TBC1D32: variants seen among roughly 807,000 people sequenced by gnomAD.
The protein encoded by TBC1D32 is protein broad-minded.
TBC1D32 carries 151 observed loss-of-function variants against 170.3 expected under a neutral mutation model. That is an observed-to-expected ratio of 0.89 (90% CI 0.78 to 1.01). The LOEUF (loss-of-function observed/expected upper bound fraction) is 1.01. TBC1D32 is among the 50% of genes least tolerant of loss of function. TBC1D32 has a pLI of 0.00. For missense variants in TBC1D32, 1,464 were observed against 1,457.1 expected, an observed-to-expected ratio of 1.00 and a Z score of -0.08; for synonymous variants, 498 against 488.0, an observed-to-expected ratio of 1.02 and a Z score of -0.27.
chr6:121,204,014 C>T (rs1326082549), intron 22 of TBC1D32, among the ~76,000 whole-genome samples: 1 of 150,690 alleles, frequency 6.6e-6, no homozygotes, highest in East Asian at 1.9e-4. Context: ...AAGAAATTTG[C>T]TCAGTATATC....
chr6:121,086,174 T>C (rs1776257959), intron 31 of TBC1D32, among the ~76,000 whole-genome samples: 1 of 152,070 alleles, frequency 6.6e-6, no homozygotes, highest in East Asian at 1.9e-4. Flanking sequence ...ATGTTCCAGA[T>C]AATGGTCTAA....
intron 3 of TBC1D32, among the ~76,000 whole-genome samples, chr6:121,316,114 C>T (rs1233664111): frequency 6.6e-6 from 1 of 152,062 alleles, no homozygotes; most frequent in Non-Finnish European, 1.5e-5. Context: ...AAAATTATGA[C>T]CCCATTTCTA....
chr6:121,304,678 GA>G, intron 6 of TBC1D32, 53 bp from the exon 7 acceptor site: 3 of 1,537,828 alleles, frequency 2.0e-6, no homozygotes, highest in South Asian at 1.2e-5. Flanking sequence ...AGTGCTTTCT[GA>G]AAAAAATTAT....
intron 1 of TBC1D32, among the ~76,000 whole-genome samples, chr6:121,326,182 G>A (rs540569771): frequency 6.6e-6 from 1 of 152,202 alleles, no homozygotes; most frequent in Non-Finnish European, 1.5e-5. Context: ...TTAACAAAAT[G>A]TAGTCAATAA....
At chr6:121,147,758 A>AT (rs1041080322) in intron 24 of TBC1D32, among the ~76,000 whole-genome samples, 7 of 151,446 alleles carry the variant, frequency 4.6e-5, no homozygotes, top group Admixed American at 3.3e-4. Flanking sequence ...CACCTGGCTA[A>AT]TTTTTTTGTA....
Position 121,228,728 on chromosome 6 carries a change from C to T in TBC1D32, c.2365-5376G>A, listed in dbSNP as rs187956688. ...AAAAGAATGCGTATTCTGTAGTCAC[C>T]GAGTATAATATTCTATAAATATCAA... On this transcript the variant is annotated intron_variant, in intron 20 of 31. Transcript: ENST00000398212. Among the ~76,000 whole-genome samples, 14 of 152,078 alleles carry T rather than the reference C, an allele frequency of 9.2e-5. No individual in the cohort carries two copies. The East Asian group carries it at 1.9e-3, about 21-fold the overall frequency.
At chr6:121,280,408 G>A (rs1184363690) in intron 14 of TBC1D32, among the ~76,000 whole-genome samples, 1 of 151,776 alleles carries the variant, frequency 6.6e-6, no homozygotes, top group Non-Finnish European at 1.5e-5. Flanking sequence ...AATGGTTGAT[G>A]CTGGATGTCT....
In TBC1D32 at chr6:121,303,618, A is replaced by G; in HGVS notation, c.1079T>C (p.Met360Thr). Residue 360 changes from methionine (M) to threonine (T), a missense_variant and splice_region_variant, in exon 9 of 32, where the codon ATG becomes ACG. Physicochemically the swap from Met to Thr is moderately conservative, Grantham distance 81. Coordinates refer to ENST00000398212, the MANE Select transcript of TBC1D32 (RefSeq NM_152730.6). ...TAAAAATATTCTATTTTTCCTTACC[A>G]TCCACTTTTTGAACCACACAGCCTT... is the stretch of plus-strand genomic sequence containing the variant. ...DTKAVWFKKWMHAHYSRTTVL... is the reference protein window; with the variant it reads ...DTKAVWFKKWTHAHYSRTTVL... 1 of 1,540,408 alleles carries G rather than the reference A, an allele frequency of 6.5e-7. No homozygotes were observed. The highest frequency in any genetic ancestry group is 1.4e-5 in the African/African-American group (1 of 73,332).
intron 26 of TBC1D32, among the ~76,000 whole-genome samples, chr6:121,119,525 A>G (rs1039687543): frequency 6.6e-6 from 1 of 152,136 alleles, no homozygotes; most frequent in Admixed American, 6.6e-5. Context: ...ATTAACTAGC[A>G]TTACGAAGAG....
intron 20 of TBC1D32, among the ~76,000 whole-genome samples, chr6:121,226,471 A>T (rs1034223955): frequency 6.6e-6 from 1 of 152,122 alleles, no homozygotes; most frequent in African/African-American, 2.4e-5. Context: ...TCAGAAAAGT[A>T]GTGGGAATTA....
chr6:121,109,229 C>T (rs368897932), intron 29 of TBC1D32, among the ~76,000 whole-genome samples: 8 of 152,078 alleles, frequency 5.3e-5, no homozygotes, highest in South Asian at 2.1e-4. Flanking sequence ...TTTAAATCCA[C>T]GAACTTTCTG....
chr6:121,102,768 A>G (rs372856060), intron 30 of TBC1D32, among the ~76,000 whole-genome samples: 11,501 of 152,190 alleles, frequency 0.076, 855 homozygotes, highest in African/African-American at 0.2. Flanking sequence ...GAGCTTCTGC[A>G]CAGCAAAAGA....
chr6:121,199,650 T>C (rs1428034505), intron 22 of TBC1D32, among the ~76,000 whole-genome samples: 2 of 151,308 alleles, frequency 1.3e-5, no homozygotes, highest in East Asian at 1.9e-4. Context: ...TATATATGTA[T>C]ACATGTGTAT....
intron 16 of TBC1D32, 53 bp from the exon 17 acceptor site, chr6:121,255,463 T>C (rs542129214): frequency 9.4e-6 from 3 of 320,400 alleles, no homozygotes; most frequent in African/African-American, 1.1e-4. Flanking sequence ...TAGCCATATA[T>C]TTATATTTTA....
At chr6:121,317,779 GAACACA>G (rs200859384) in intron 2 of TBC1D32, 107 bp from the exon 3 acceptor site, 79 of 756,296 alleles carry the variant, frequency 1.0e-4, no homozygotes, top group South Asian at 3.2e-4. Flanking sequence ...GTCCCTTTAA[GAACACA>G]ATGCTAAGGA....
intron 24 of TBC1D32, among the ~76,000 whole-genome samples, chr6:121,142,356 T>C (rs868095074): frequency 6.6e-6 from 1 of 152,342 alleles, no homozygotes; most frequent in Middle Eastern, 3.4e-3. Context: ...GTCTCATTAG[T>C]AGCACTAGAA....
chr6:121,140,306 TA>T (rs140914487), intron 24 of TBC1D32, among the ~76,000 whole-genome samples: 1 of 148,300 alleles, frequency 6.7e-6, no homozygotes, highest in Non-Finnish European at 1.5e-5. Context: ...TAATTTGTAG[TA>T]AAAAAAATTA....
At chr6:121,231,424 T>C (rs1036778419) in intron 20 of TBC1D32, among the ~76,000 whole-genome samples, 1 of 152,226 alleles carries the variant, frequency 6.6e-6, no homozygotes, top group Non-Finnish European at 1.5e-5. Context: ...TCTTTTCCTC[T>C]GGGTAGATAC....
rs375284443 is a variant in TBC1D32, at chr6:121,126,451, T to C, written c.2910A>G (p.Glu970=). 5 of 1,611,042 alleles carry C rather than the reference T, an allele frequency of 3.1e-6. No individual in the cohort carries two copies. Among genetic ancestry groups the C allele is most frequent in the African/African-American group, 1.3e-5 (1 of 74,930 alleles). The change falls in exon 26 of 32, where the codon GAA becomes GAG. Residue 970 remains glutamate, a synonymous_variant. Transcript: ENST00000398212. ...GATGAAGCACAAATTTTTCAAGTAATTCTATTAAGGCTGTAATAAACAAAG... is the reference window on the plus strand; with the variant it reads ...GATGAAGCACAAATTTTTCAAGTAACTCTATTAAGGCTGTAATAAACAAAG... ...PDIISGEALI[E]LLEKFVLHLT... is the part of the protein sequence containing the mutation.
Sources: gnomAD v4.1 joint callset for allele counts (sites outside exome capture counted in the v4.1 genomes callset) on GRCh38, gnomAD v4.1.1 for gene constraint, MANE v1.5 for transcripts, NCBI Gene and HGNC (gene_info 2026-07-23, HGNC 2026-07-21) for gene names.